The following PALM2AKAP2 variants were observed in gnomAD, a reference collection of about 807,000 sequenced individuals.
PALM2AKAP2 encodes the protein PALM2 and AKAP2 fusion, also known as PALM2-AKAP2 fusion protein.
PALM2AKAP2 carries 37 observed loss-of-function variants against 71.5 expected under a neutral mutation model. That is an observed-to-expected ratio of 0.52 (90% CI 0.40 to 0.68). The LOEUF (loss-of-function observed/expected upper bound fraction) is 0.68, where lower values mean the gene tolerates loss of function less well. Among genes scored for constraint, PALM2AKAP2 ranks in the 30% least tolerant of loss-of-function variants. The pLI is 0.00. For missense variants in PALM2AKAP2, 1,224 were observed against 1,191.8 expected (o/e 1.03, Z -0.40); for synonymous variants, 468 against 478.8 (o/e 0.98, Z 0.29).
At chr9:109,984,050 TA>T (rs1440314885) in intron 6 of PALM2AKAP2, among the ~76,000 whole-genome samples, 1 of 152,192 alleles carries the variant, frequency 6.6e-6, no homozygotes, top group Non-Finnish European at 1.5e-5. Flanking sequence ...GATGAGATGC[TA>T]AAAACTTACC....
chr9:109,842,082 C>G (rs924021891), intron 1 of PALM2AKAP2, among the ~76,000 whole-genome samples: 2 of 151,954 alleles, frequency 1.3e-5, no homozygotes, highest in Non-Finnish European at 2.9e-5. Flanking sequence ...ATGACATGCA[C>G]AGACTCTCTG....
chr9:109,697,063 C>A (rs1250025637), intron 1 of PALM2AKAP2, among the ~76,000 whole-genome samples: 1 of 152,042 alleles, frequency 6.6e-6, no homozygotes, highest in South Asian at 2.1e-4. Flanking sequence ...CTCGATAAAT[C>A]GCTGGCATGA....
intron 3 of PALM2AKAP2, among the ~76,000 whole-genome samples, chr9:109,896,537 A>G (rs922067365): frequency 4.6e-5 from 7 of 152,196 alleles, no homozygotes; most frequent in Non-Finnish European, 1.0e-4. Flanking sequence ...CAGGCCAGGC[A>G]TAGTGGCTCA....
chr9:109,908,638 C>T (rs146555979), intron 3 of PALM2AKAP2, among the ~76,000 whole-genome samples: 45 of 152,192 alleles, frequency 3.0e-4, no homozygotes, highest in African/African-American at 9.2e-4. Context: ...TGTTGTTTGA[C>T]GTTAATTTTT....
At chr9:110,141,750 G>A (rs1836036622) in intron 2 of PALM2AKAP2, among the ~76,000 whole-genome samples, 1 of 152,176 alleles carries the variant, frequency 6.6e-6, no homozygotes, top group South Asian at 2.1e-4. Flanking sequence ...TTGGATACTA[G>A]GTGATGAAAA....
chr9:109,649,703 G>A (rs1827200073), intron 1 of PALM2AKAP2, among the ~76,000 whole-genome samples: 1 of 152,166 alleles, frequency 6.6e-6, no homozygotes, highest in Non-Finnish European at 1.5e-5. Context: ...CCAAATAGAG[G>A]TAATTCTATC....
intron 1 of PALM2AKAP2, among the ~76,000 whole-genome samples, chr9:109,811,352 C>T (rs1294739267): frequency 6.6e-6 from 1 of 151,860 alleles, no homozygotes; most frequent in Non-Finnish European, 1.5e-5. Flanking sequence ...GAAAGCTGGT[C>T]AGAGAGGGAC....
chr9:109,921,560 G>T (rs1427724296), intron 3 of PALM2AKAP2, among the ~76,000 whole-genome samples: 1 of 152,186 alleles, frequency 6.6e-6, no homozygotes, highest in African/African-American at 2.4e-5. Flanking sequence ...AAAATAATGT[G>T]CTAAGAAATG....
chr9:110,138,114 C>T, exon 2 of PALM2AKAP2: 1 of 1,614,168 alleles, frequency 6.2e-7, no homozygotes, highest in Non-Finnish European at 8.5e-7. Context: ...ATGTTTGAGC[C>T]ACCTCAGGTG....
At chr9:109,661,516 G>T (rs948238685) in intron 1 of PALM2AKAP2, among the ~76,000 whole-genome samples, 2 of 152,146 alleles carry the variant, frequency 1.3e-5, no homozygotes, top group East Asian at 1.9e-4. Context: ...CTTTTACATT[G>T]GTCTTTATAT....
intron 1 of PALM2AKAP2, among the ~76,000 whole-genome samples, chr9:109,741,631 G>A (rs76158907): frequency 0.043 from 6,491 of 152,226 alleles, 191 homozygotes; most frequent in Non-Finnish European, 0.053. Flanking sequence ...GGTTATGTCT[G>A]GTGGGTTTGT....
chr9:109,807,149 A>AG (rs1275632238), intron 1 of PALM2AKAP2, among the ~76,000 whole-genome samples: 16 of 141,988 alleles, frequency 1.1e-4, no homozygotes, highest in African/African-American at 4.0e-4. Flanking sequence ...TGTGAGAGAG[A>AG]GAAAAAAAAG....
intron 6 of PALM2AKAP2, chr9:109,943,494 CACT>C: frequency 3.3e-6 from 5 of 1,509,668 alleles, no homozygotes; most frequent in Non-Finnish European, 4.4e-6. Flanking sequence ...CTCACTGTAC[CACT>C]AACTGCAATA....
At chr9:109,720,964 T>C (rs1369181413) in intron 1 of PALM2AKAP2, among the ~76,000 whole-genome samples, 4 of 152,188 alleles carry the variant, frequency 2.6e-5, no homozygotes, top group Non-Finnish European at 4.4e-5. Context: ...CACACACCAC[T>C]AAATACTTTA....
At chr9:109,876,417 C>A (rs1258504015) in intron 2 of PALM2AKAP2, among the ~76,000 whole-genome samples, 1 of 152,210 alleles carries the variant, frequency 6.6e-6, no homozygotes, top group Non-Finnish European at 1.5e-5. Flanking sequence ...TTAAAAATGT[C>A]TAAACACCTT....
chr9:109,876,877 TAGAGGGACATGCACCTCTGGGTGACC>T (rs113460116), intron 2 of PALM2AKAP2, among the ~76,000 whole-genome samples: 10,908 of 152,170 alleles, frequency 0.072, 522 homozygotes, highest in African/African-American at 0.14. Flanking sequence ...GAGATGGAAG[TAGAGGGACATGCACCTCTGGGTGACC>T]AGAGTCACCA....
intron 1 of PALM2AKAP2, among the ~76,000 whole-genome samples, chr9:109,680,763 A>G (rs1259392942): frequency 6.6e-6 from 1 of 152,236 alleles, no homozygotes; most frequent in Non-Finnish European, 1.5e-5. Flanking sequence ...AAAGCATAAT[A>G]TAATATGAAA....
At chr9:109,689,799 A>G (rs1312863948) in intron 1 of PALM2AKAP2, among the ~76,000 whole-genome samples, 1 of 152,146 alleles carries the variant, frequency 6.6e-6, no homozygotes, top group Non-Finnish European at 1.5e-5. Context: ...CTGTCTCTGG[A>G]GGAGCTGGGT....
At chr9:109,738,280 C>T (rs998331309) in intron 1 of PALM2AKAP2, among the ~76,000 whole-genome samples, 11 of 152,154 alleles carry the variant, frequency 7.2e-5, no homozygotes, top group East Asian at 1.9e-4. Flanking sequence ...CAGAGCCTGC[C>T]GCTGAGAACT....
Sources: gnomAD v4.1 joint callset for allele counts (sites outside exome capture counted in the v4.1 genomes callset) on GRCh38, gnomAD v4.1.1 for gene constraint, MANE v1.5 for transcripts, NCBI Gene and HGNC (gene_info 2026-07-23, HGNC 2026-07-21) for gene names.